Variants in TSPAN18 observed in about 807,000 individuals in gnomAD.
The protein encoded by TSPAN18 is tetraspanin-18.
Under a neutral mutation model 27.3 loss-of-function variants are expected in TSPAN18, and 14 were observed. The observed-to-expected ratio is 0.51, with a 90% CI of 0.34 to 0.80. The LOEUF is 0.80. Among genes scored for constraint, TSPAN18 ranks in the 30% least tolerant of loss-of-function variants. The pLI is 0.01. For synonymous variants in TSPAN18, 143 were observed against 136.5 expected, an observed-to-expected ratio of 1.05 and a Z score of -0.33; for missense variants, 268 against 323.9, an observed-to-expected ratio of 0.83 and a Z score of 1.32.
intron 2 of TSPAN18, among the ~76,000 whole-genome samples, chr11:44,779,456 G>A (rs1326630552): frequency 6.6e-6 from 1 of 152,130 alleles, no homozygotes; most frequent in Admixed American, 6.5e-5. Flanking sequence ...TTTAGACCCT[G>A]GAGAAGGTTA....
chr11:44,796,039 C>T (rs568463497), intron 2 of TSPAN18, among the ~76,000 whole-genome samples: 10 of 152,190 alleles, frequency 6.6e-5, no homozygotes, highest in African/African-American at 1.9e-4. Flanking sequence ...GTGGTCCCTC[C>T]GTTGCCCTTT....
chr11:44,897,719 G>A (rs2135301743), intron 3 of TSPAN18: 4 of 1,257,668 alleles, frequency 3.2e-6, no homozygotes, highest in Admixed American at 2.3e-5. Context: ...TTGACTTCCT[G>A]TAGTAATTGA....
chr11:44,855,741 C>T (rs1857718337), intron 2 of TSPAN18, among the ~76,000 whole-genome samples: 1 of 151,860 alleles, frequency 6.6e-6, no homozygotes, highest in Admixed American at 6.6e-5. Context: ...TCAGTATCCC[C>T]CCACACCACC....
At chr11:44,736,787 T>C (rs373369385) in intron 1 of TSPAN18, 2 of 152,350 alleles carry the variant, frequency 1.3e-5, no homozygotes, top group South Asian at 4.1e-4. Context: ...AGCTTCACAC[T>C]ATGACCTTTG....
At chr11:44,804,004 A>G (rs925716124) in intron 2 of TSPAN18, among the ~76,000 whole-genome samples, 3 of 152,240 alleles carry the variant, frequency 2.0e-5, no homozygotes, top group Non-Finnish European at 4.4e-5. Flanking sequence ...TCACCAGCTC[A>G]CTGAGCCTGC....
chr11:44,789,105 C>T (rs1189815169), intron 2 of TSPAN18, among the ~76,000 whole-genome samples: 3 of 152,164 alleles, frequency 2.0e-5, no homozygotes, highest in Admixed American at 6.5e-5. Context: ...ATAACACCCT[C>T]GTGTCAGTCT....
chr11:44,807,280 G>GCA (rs929806960), intron 2 of TSPAN18, among the ~76,000 whole-genome samples: 1 of 146,096 alleles, frequency 6.8e-6, no homozygotes, highest in Non-Finnish European at 1.5e-5. Flanking sequence ...TATAATCTCA[G>GCA]CACTTTGGGA....
chr11:44,877,068 T>C (rs1858355751), intron 3 of TSPAN18, among the ~76,000 whole-genome samples: 1 of 152,226 alleles, frequency 6.6e-6, no homozygotes, highest in African/African-American at 2.4e-5. Context: ...AGGATCTTTG[T>C]GTGCACAAAT....
rs1305164907 is a variant in TSPAN18 at position 44,867,434 on chromosome 11, T to TG, written c.-11+6966dup. 4.2e-5 allele frequency among the ~76,000 whole-genome samples: 5 copies of TG among 120,342 alleles called. No homozygotes were observed. The South Asian group carries it at 8.9e-4, about 22-fold the overall frequency. 78.9% of individuals were successfully genotyped at this position (120,342 alleles called of 152,430 possible). On this transcript the variant is annotated intron_variant, in intron 3 of 9. Coordinates refer to ENST00000520358, the MANE Select transcript of TSPAN18 (RefSeq NM_130783.5). ...TTTTTTTTCAGACAGAGTCTCGCTC[T>TG]GTCACCCAGGCTGGAGTGGAGTGGC...
At chr11:44,765,368 T>C (rs1855544417) in intron 2 of TSPAN18, among the ~76,000 whole-genome samples, 1 of 152,160 alleles carries the variant, frequency 6.6e-6, no homozygotes, top group Admixed American at 6.5e-5. Context: ...GGAGATCTGA[T>C]TGCCTGTCTT....
intron 1 of TSPAN18, among the ~76,000 whole-genome samples, chr11:44,752,513 A>T (rs1278250117): frequency 6.6e-6 from 1 of 152,182 alleles, no homozygotes; most frequent in East Asian, 1.9e-4. Flanking sequence ...TCACAATAAA[A>T]ACAAATGAGA....
chr11:44,892,999 C>G (rs1017500251), intron 3 of TSPAN18, among the ~76,000 whole-genome samples: 2 of 152,214 alleles, frequency 1.3e-5, no homozygotes, highest in Non-Finnish European at 2.9e-5. Context: ...TCAGGAGGTC[C>G]TCGTTCTAGC....
chr11:44,790,427 G>GCA (rs1214783045), intron 2 of TSPAN18, among the ~76,000 whole-genome samples: 9 of 149,430 alleles, frequency 6.0e-5, no homozygotes, highest in East Asian at 2.0e-4. Context: ...GTGTGTGCAT[G>GCA]TGTGTGTACA....
intron 3 of TSPAN18, among the ~76,000 whole-genome samples, chr11:44,885,541 C>T (rs1858620393): frequency 6.6e-6 from 1 of 152,074 alleles, no homozygotes; most frequent in Non-Finnish European, 1.5e-5. Flanking sequence ...TGTTTCAGCC[C>T]CCTGCCTGTC....
chr11:44,800,552 C>T (rs751853761), intron 2 of TSPAN18, among the ~76,000 whole-genome samples: 1 of 152,190 alleles, frequency 6.6e-6, no homozygotes, highest in East Asian at 1.9e-4. Flanking sequence ...ATGAAGTTCC[C>T]CTTCCATAGG....
intron 3 of TSPAN18, among the ~76,000 whole-genome samples, chr11:44,878,423 G>A (rs58871541): frequency 3.9e-5 from 6 of 152,248 alleles, no homozygotes; most frequent in African/African-American, 1.4e-4. Context: ...GGGCCAGCCC[G>A]GGGGAGGTTT....
chr11:44,746,570 A>G (rs559674839), intron 1 of TSPAN18, among the ~76,000 whole-genome samples: 4 of 152,262 alleles, frequency 2.6e-5, no homozygotes, highest in South Asian at 4.1e-4. Context: ...CCTGGACAAC[A>G]TCGGGGGCCC....
chr11:44,759,137 T>C (rs1435072407), intron 1 of TSPAN18, among the ~76,000 whole-genome samples: 3 of 152,238 alleles, frequency 2.0e-5, no homozygotes, highest in African/African-American at 7.2e-5. Flanking sequence ...AGCTGGCTTA[T>C]TGAACACAGT....
intron 2 of TSPAN18, among the ~76,000 whole-genome samples, chr11:44,766,079 C>T (rs949224552): frequency 6.6e-6 from 1 of 152,196 alleles, no homozygotes; most frequent in African/African-American, 2.4e-5. Flanking sequence ...TGCCTAATGG[C>T]ATTTTCTATT....
Sources: gnomAD v4.1 joint callset for allele counts (sites outside exome capture counted in the v4.1 genomes callset) on GRCh38, gnomAD v4.1.1 for gene constraint, MANE v1.5 for transcripts, NCBI Gene and HGNC (gene_info 2026-07-23, HGNC 2026-07-21) for gene names.